The following KIF3A variants were observed in gnomAD, a reference collection of about 807,000 sequenced individuals.
KIF3A encodes the protein kinesin-like protein KIF3A.
In KIF3A, 27 loss-of-function variants were observed where a neutral mutation model predicts 92.6. The observed-to-expected ratio is 0.29, with a 90% CI of 0.21 to 0.40. The LOEUF is 0.40. Ranked by LOEUF, KIF3A falls within the 10% of genes least tolerant of loss-of-function variation. The probability of loss-of-function intolerance (pLI) is 1.00; values close to 1 mark genes in which losing one functional copy is unlikely to be tolerated. For synonymous variants in KIF3A, 250 were observed against 275.4 expected, an observed-to-expected ratio of 0.91 and a Z score of 0.92; for missense variants, 581 against 872.6, an observed-to-expected ratio of 0.67 and a Z score of 4.21.
intron 3 of KIF3A, 34 bp downstream of exon 3, chr5:132,726,320 C>A: frequency 1.9e-6 from 3 of 1,608,316 alleles, no homozygotes; most frequent in Non-Finnish European, 2.6e-6. Context: ...GTTTGTACTT[C>A]TCAATATCAG....
At chr5:132,729,401 G>A (rs949395684) in intron 2 of KIF3A, among the ~76,000 whole-genome samples, 5 of 152,006 alleles carry the variant, frequency 3.3e-5, no homozygotes, top group African/African-American at 7.2e-5. Flanking sequence ...GCAATGAGCC[G>A]TTATAGTGCC....
At chr5:132,736,364 T>C (rs1306815377) in intron 1 of KIF3A, among the ~76,000 whole-genome samples, 1 of 152,262 alleles carries the variant, frequency 6.6e-6, no homozygotes, top group Non-Finnish European at 1.5e-5. Context: ...CATTCTTACA[T>C]GGCAATACAT....
At chr5:132,707,945 A>T (rs1338067649) in intron 10 of KIF3A, among the ~76,000 whole-genome samples, 1 of 152,244 alleles carries the variant, frequency 6.6e-6, no homozygotes, top group Admixed American at 6.5e-5. Context: ...TGGATCCTGC[A>T]TAAAATCCAC....
chr5:132,703,214 T>A (rs1264969469), intron 12 of KIF3A, 149 bp from the exon 13 acceptor site: 1 of 718,344 alleles, frequency 1.4e-6, no homozygotes, highest in South Asian at 1.9e-5. Flanking sequence ...CTGTGTAGTA[T>A]CGATTTCTAA....
chr5:132,711,119 A>G (rs1476083911), intron 8 of KIF3A, 62 bp from the exon 9 acceptor site: 4 of 1,464,210 alleles, frequency 2.7e-6, no homozygotes, highest in African/African-American at 2.8e-5. Flanking sequence ...TATTTAGGAA[A>G]TACCTATATC....
At chr5:132,689,561 A>C (rs1752614490), downstream of KIF3A, 1 of 152,226 alleles carries the variant, frequency 6.6e-6, no homozygotes. Flanking sequence ...AAATAGTCTG[A>C]TATAATAATC....
At position 132,702,227 on chromosome 5, in the gene KIF3A, A is replaced by G; in HGVS notation, c.1759-15T>C. Reference sequence around the variant, plus strand: ...AGATCAGCCATCTACCAGAAAATCCATAAAAATATTATGAACAAACAAGAC... The same window carrying G: ...AGATCAGCCATCTACCAGAAAATCCGTAAAAATATTATGAACAAACAAGAC... On this transcript the variant is annotated splice_polypyrimidine_tract_variant and intron_variant, in intron 14 of 18. Transcript: ENST00000403231. 3 of 1,612,440 alleles carry G rather than the reference A, an allele frequency of 1.9e-6. No homozygotes were observed. Among genetic ancestry groups the G allele is most frequent in the Non-Finnish European group, 2.5e-6 (3 of 1,178,808 alleles).
At chr5:132,717,725 C>A (rs1326974141) in intron 5 of KIF3A, among the ~76,000 whole-genome samples, 1 of 151,188 alleles carries the variant, frequency 6.6e-6, no homozygotes, top group Non-Finnish European at 1.5e-5. Context: ...CATTTTTTTA[C>A]AATAGACCTG....
intron 2 of KIF3A, among the ~76,000 whole-genome samples, chr5:132,733,548 G>A (rs1190764474): frequency 6.6e-6 from 1 of 152,244 alleles, no homozygotes; most frequent in Non-Finnish European, 1.5e-5. Context: ...GTAGGAGATT[G>A]CTTGAGCCTA....
At chr5:132,712,114 T>C (rs1753446935) in intron 8 of KIF3A, among the ~76,000 whole-genome samples, 1 of 152,060 alleles carries the variant, frequency 6.6e-6, no homozygotes. Context: ...TTCTGAAAAA[T>C]ATTTTTTTCT....
chr5:132,729,601 C>T (rs569690888), intron 2 of KIF3A, among the ~76,000 whole-genome samples: 41 of 152,178 alleles, frequency 2.7e-4, no homozygotes, highest in Non-Finnish European at 4.3e-4. Context: ...CCAAAAATCT[C>T]TAGAGAATTT....
At chr5:132,714,564 G>T (rs1753548129) in intron 8 of KIF3A, among the ~76,000 whole-genome samples, 1 of 152,164 alleles carries the variant, frequency 6.6e-6, no homozygotes, top group Admixed American at 6.5e-5. Flanking sequence ...GAGGTACCTA[G>T]AATAGTCAAA....
downstream of KIF3A, among the ~76,000 whole-genome samples, chr5:132,691,314 G>A (rs1170983691): frequency 2.6e-5 from 4 of 152,278 alleles, no homozygotes; most frequent in African/African-American, 9.6e-5. Context: ...CTGGGAGGCC[G>A]AGGTGGGTGG....
rs5871462 is a variant in KIF3A at position 132,701,502 on chromosome 5, C to CAA, written c.1884+583_1884+584dup. 2.7e-3 allele frequency among the ~76,000 whole-genome samples: 278 copies of CAA among 101,168 alleles called. 5 individuals are homozygous for CAA. The highest frequency in any genetic ancestry group is 6.3e-3 in the East Asian group (25 of 3,976). The allele number at this position is 101,168 out of a possible 152,430, so 66.4% of individuals were successfully genotyped here. The stretch of plus-strand genomic sequence containing the variant: ...CAACAAAGTGACTCTGTCTCCCTGA[C>CAA]AAAAAAAAAAAAAAAAAAAATCATG... On this transcript the variant is annotated intron_variant, in intron 15 of 18. Transcript: ENST00000403231.
chr5:132,731,961 G>A (rs770209144), intron 2 of KIF3A, among the ~76,000 whole-genome samples: 12 of 151,970 alleles, frequency 7.9e-5, no homozygotes, highest in Non-Finnish European at 1.5e-4. Flanking sequence ...TGCCTGCCTC[G>A]GCCTCCAATG....
intron 1 of KIF3A, among the ~76,000 whole-genome samples, chr5:132,737,095 G>A (rs544783370): frequency 1.3e-5 from 2 of 152,226 alleles, no homozygotes; most frequent in Non-Finnish European, 2.9e-5. Context: ...ACCCCCAGAC[G>A]CCCCGCTCAG....
chr5:132,732,333 A>G (rs562920346), intron 2 of KIF3A, among the ~76,000 whole-genome samples: 1 of 152,366 alleles, frequency 6.6e-6, no homozygotes, highest in African/African-American at 2.4e-5. Flanking sequence ...AAGAGAAACT[A>G]AACATATGTT....
downstream of KIF3A, among the ~76,000 whole-genome samples, chr5:132,690,508 TACTG>T (rs1318164098): frequency 1.3e-5 from 2 of 152,158 alleles, no homozygotes; most frequent in African/African-American, 4.8e-5. Context: ...GAAAAGAAAA[TACTG>T]AGTGTTCACA....
At chr5:132,724,805 AAATATATATAT>A (rs1561708738) in intron 4 of KIF3A, among the ~76,000 whole-genome samples, 18 of 16,698 alleles carry the variant, frequency 1.1e-3, no homozygotes, top group African/African-American at 2.6e-3. Flanking sequence ...AAAAAAAAAA[AAATATATATAT>A]ATATATATAT....
Sources: gnomAD v4.1 joint callset for allele counts (sites outside exome capture counted in the v4.1 genomes callset) on GRCh38, gnomAD v4.1.1 for gene constraint, MANE v1.5 for transcripts, NCBI Gene and HGNC (gene_info 2026-07-23, HGNC 2026-07-21) for gene names.